SNX16: variants seen among roughly 807,000 people sequenced by gnomAD.
SNX16 encodes the protein sorting nexin-16.
SNX16 carries 35 observed loss-of-function variants against 36.7 expected under a neutral mutation model. The observed-to-expected ratio is 0.95, with a 90% CI of 0.73 to 1.27. The LOEUF is 1.27. SNX16 is among the 50% of genes most tolerant of loss of function. The pLI is 0.00. For synonymous variants in SNX16, 134 were observed against 132.0 expected (o/e 1.02, Z -0.10); for missense variants, 367 against 393.6 (o/e 0.93, Z 0.57).
intron 4 of SNX16, among the ~76,000 whole-genome samples, chr8:81,819,058 T>C (rs1343438669): frequency 6.6e-6 from 1 of 152,080 alleles, no homozygotes; most frequent in African/African-American, 2.4e-5. Flanking sequence ...TCCAGATCCA[T>C]CCTGAACTTT....
intron 7 of SNX16, among the ~76,000 whole-genome samples, chr8:81,802,032 A>G (rs1809720984): frequency 6.6e-6 from 1 of 151,650 alleles, no homozygotes; most frequent in South Asian, 2.1e-4. Flanking sequence ...ATAGTAGCCT[A>G]CTTTTTCAAT....
intron 5 of SNX16, among the ~76,000 whole-genome samples, chr8:81,805,669 C>A (rs1017052805): frequency 2.6e-5 from 4 of 152,150 alleles, no homozygotes; most frequent in African/African-American, 9.7e-5. Flanking sequence ...CCTATAATCC[C>A]AGCACTTTGG....
rs545700424 is a variant in SNX16 at position 81,826,570 on chromosome 8, G to A, written c.463-2630C>T. 2.1e-4 allele frequency among the ~76,000 whole-genome samples: 32 copies of A among 152,042 alleles called. 3 individuals are homozygous for A. The South Asian group carries it at 4.1e-3, about 20-fold the overall frequency. Reference sequence around the variant, plus strand: ...ATCTCCCAGTCCACCCTAAAACCCCGCCTGGTTGCCCCAACTCTGATAAGC... The same window carrying A: ...ATCTCCCAGTCCACCCTAAAACCCCACCTGGTTGCCCCAACTCTGATAAGC... On this transcript the variant is annotated intron_variant, in intron 3 of 7. Transcript: ENST00000345957.
chr8:81,829,864 T>C (rs1811174926), intron 2 of SNX16, among the ~76,000 whole-genome samples: 1 of 152,192 alleles, frequency 6.6e-6, no homozygotes, highest in Non-Finnish European at 1.5e-5. Context: ...ACTTTTGTTC[T>C]ACACAATTTT....
chr8:81,838,041 T>A (rs770225059), intron 2 of SNX16, among the ~76,000 whole-genome samples: 6 of 152,162 alleles, frequency 3.9e-5, no homozygotes, highest in Non-Finnish European at 8.8e-5. Flanking sequence ...TTTGAGTTAA[T>A]AAGAGAGTTG....
intron 2 of SNX16, among the ~76,000 whole-genome samples, chr8:81,834,835 T>C (rs1474995273): frequency 6.6e-6 from 1 of 152,204 alleles, no homozygotes; most frequent in Non-Finnish European, 1.5e-5. Flanking sequence ...CCGTGGCTTT[T>C]CCAGGTGCAT....
In SNX16 at chr8:81,807,347, C is replaced by T. The variant is rs543813158; in HGVS notation, c.682-4119G>A. Among the ~76,000 whole-genome samples the T allele has an allele frequency of 3.3e-3, 496 of 151,272 alleles. 1 individual carries two copies. The highest frequency in any genetic ancestry group is 6.8e-3 in the Middle Eastern group (2 of 294). On this transcript the variant is annotated intron_variant, in intron 5 of 7. Coordinates refer to ENST00000345957, the MANE Select transcript of SNX16 (RefSeq NM_152836.3). ...CAGTCTGGCCAACATGAAGAAACTC[C>T]GTCTCTACTAAAAATACAAAAATTA...
At chr8:81,818,322 A>T (rs1810580382) in intron 4 of SNX16, among the ~76,000 whole-genome samples, 1 of 152,120 alleles carries the variant, frequency 6.6e-6, no homozygotes, top group African/African-American at 2.4e-5. Context: ...TGAATATCTT[A>T]AATTTTCTTT....
intron 4 of SNX16, among the ~76,000 whole-genome samples, chr8:81,822,080 G>GAA (rs144025857): frequency 0.057 from 8,711 of 152,126 alleles, 372 homozygotes; most frequent in East Asian, 0.14. Context: ...TGTGGGTGAT[G>GAA]AACGGTGTCT....
chr8:81,817,027 A>G (rs773418676), intron 4 of SNX16, among the ~76,000 whole-genome samples: 2 of 152,138 alleles, frequency 1.3e-5, no homozygotes, highest in Non-Finnish European at 2.9e-5. Flanking sequence ...CCCATTATTT[A>G]TACTGGGGCA....
chr8:81,824,050 A>C, intron 3 of SNX16, 110 bp from the exon 4 acceptor site: 1 of 1,062,342 alleles, frequency 9.4e-7, no homozygotes, highest in South Asian at 1.6e-5. Context: ...TTTAAAATAA[A>C]AGAATTAAAT....
intron 4 of SNX16, among the ~76,000 whole-genome samples, chr8:81,817,682 A>G (rs1360676679): frequency 6.6e-6 from 1 of 152,132 alleles, no homozygotes; most frequent in Non-Finnish European, 1.5e-5. Flanking sequence ...AGCAGTCAAT[A>G]CCCTCAAACT....
At chr8:81,822,913 A>C (rs916667666) in intron 4 of SNX16, among the ~76,000 whole-genome samples, 2 of 141,490 alleles carry the variant, frequency 1.4e-5, no homozygotes, top group African/African-American at 5.3e-5. Flanking sequence ...GCACACACTG[A>C]AAAGCAAGAT....
intron 4 of SNX16, among the ~76,000 whole-genome samples, chr8:81,823,290 T>G (rs1393718283): frequency 1.3e-5 from 2 of 151,994 alleles, no homozygotes; most frequent in African/African-American, 4.8e-5. Flanking sequence ...AAATATATTC[T>G]GAAGCAAAAA....
intron 1 of SNX16, among the ~76,000 whole-genome samples, chr8:81,841,186 C>G (rs1811749153): frequency 6.6e-6 from 1 of 151,968 alleles, no homozygotes; most frequent in African/African-American, 2.4e-5. Flanking sequence ...ACTAAAAATA[C>G]AAAAATTAGC....
intron 5 of SNX16, chr8:81,808,573 A>G (rs1351705482): frequency 2.0e-6 from 2 of 989,430 alleles, no homozygotes; most frequent in Admixed American, 1.7e-5. Context: ...AGTTACAACA[A>G]TCAGTCTTCA....
At chr8:81,836,316 A>C (rs1811494248) in intron 2 of SNX16, among the ~76,000 whole-genome samples, 1 of 152,128 alleles carries the variant, frequency 6.6e-6, no homozygotes, top group Admixed American at 6.5e-5. Context: ...TATTTTACAA[A>C]CCTAAGATTC....
chr8:81,818,354 CAACTT>C (rs981683594), intron 4 of SNX16, among the ~76,000 whole-genome samples: 3 of 151,824 alleles, frequency 2.0e-5, no homozygotes, highest in Admixed American at 6.6e-5. Flanking sequence ...AAAATAAAAA[CAACTT>C]AGAGACATTA....
intron 5 of SNX16, among the ~76,000 whole-genome samples, chr8:81,804,634 A>G (rs1210077522): frequency 1.3e-5 from 2 of 152,056 alleles, no homozygotes; most frequent in African/African-American, 2.4e-5. Flanking sequence ...TCATTACCAT[A>G]TATAAAATAA....
Sources: allele counts gnomAD v4.1 joint callset (sites outside exome capture counted in the v4.1 genomes callset), GRCh38; gene constraint gnomAD v4.1.1; transcripts MANE v1.5; gene names NCBI Gene and HGNC (gene_info 2026-07-23, HGNC 2026-07-21).